The following FOXN3 variants were observed in gnomAD, a reference collection of about 807,000 sequenced individuals.
The protein encoded by FOXN3 is forkhead box N3.
A neutral mutation model predicts 38.4 loss-of-function variants in FOXN3; 7 were observed. The observed-to-expected ratio is 0.18, with a 90% CI of 0.10 to 0.34. The LOEUF (loss-of-function observed/expected upper bound fraction) is 0.34, where lower values mean the gene tolerates loss of function less well. Among genes scored for constraint, FOXN3 ranks in the 10% least tolerant of loss-of-function variants. FOXN3 has a pLI of 1.00. For missense variants in FOXN3, 456 were observed against 613.4 expected, an observed-to-expected ratio of 0.74 and a Z score of 2.71; for synonymous variants, 230 against 242.2, an observed-to-expected ratio of 0.95 and a Z score of 0.47.
At position 89,163,945 on chromosome 14, in the gene FOXN3, G is replaced by A. The variant is rs151139076; in HGVS notation, c.852-976C>T. ...TGCTACCCATGCCTATAAGGCGTCT[G>A]TAGCACTCATCACACCTCTGATTAT... On this transcript the variant is annotated intron_variant, in intron 5 of 5. Transcript: ENST00000557258. The surrounding 1 kb of genome is among the most constrained non-coding windows in gnomAD (Gnocchi z 4.3). Among the ~76,000 whole-genome samples the A allele has an allele frequency of 3.9e-4, 60 of 152,368 alleles. No individual in the cohort carries two copies. Among genetic ancestry groups the A allele is most frequent in the African/African-American group, 1.4e-3 (59 of 41,590 alleles).
chr14:89,405,849 A>C (rs1891373784), intron 2 of FOXN3, among the ~76,000 whole-genome samples: 1 of 152,196 alleles, frequency 6.6e-6, no homozygotes, highest in African/African-American at 2.4e-5. Flanking sequence ...AATGTCTGCT[A>C]TACTGAGAAG....
intron 1 of FOXN3, among the ~76,000 whole-genome samples, chr14:89,565,875 A>C (rs10162494): frequency 0.03 from 4,616 of 152,322 alleles, 233 homozygotes; most frequent in African/African-American, 0.1. Context: ...CAAACGCAGA[A>C]AATTAATACA....
intron 1 of FOXN3, among the ~76,000 whole-genome samples, chr14:89,485,052 T>C (rs1893417123): frequency 6.6e-6 from 1 of 150,574 alleles, no homozygotes; most frequent in Non-Finnish European, 1.5e-5. Context: ...CTCAGGAGGC[T>C]GAGGCAGGAG....
At chr14:89,311,347 A>G (rs868174344) in intron 3 of FOXN3, among the ~76,000 whole-genome samples, 1 of 144,986 alleles carries the variant, frequency 6.9e-6, no homozygotes, top group Non-Finnish European at 1.5e-5. Context: ...TGGCATGTGC[A>G]TGTAATCCCA....
chr14:89,489,523 T>TA (rs1399391403), intron 1 of FOXN3, among the ~76,000 whole-genome samples: 12 of 152,210 alleles, frequency 7.9e-5, no homozygotes, highest in Non-Finnish European at 1.0e-4. Flanking sequence ...TACTTGTAAT[T>TA]AAAAAATTTT....
chr14:89,413,597 C>T (rs1341521846), intron 1 of FOXN3, among the ~76,000 whole-genome samples: 2 of 150,062 alleles, frequency 1.3e-5, no homozygotes, highest in African/African-American at 4.9e-5. Flanking sequence ...TGTACCACTG[C>T]ACTCCAGCCT....
intron 5 of FOXN3, among the ~76,000 whole-genome samples, chr14:89,177,548 G>C (rs1887555361): frequency 6.6e-6 from 1 of 151,822 alleles, no homozygotes; most frequent in Non-Finnish European, 1.5e-5. Context: ...ACTGGGGCTG[G>C]GGCTGGGGCT....
intron 2 of FOXN3, among the ~76,000 whole-genome samples, chr14:89,394,957 T>C (rs1891063593): frequency 2.0e-5 from 3 of 152,202 alleles, no homozygotes; most frequent in Admixed American, 6.5e-5. Context: ...ACACAACCCA[T>C]CCGGGTTTTC....
At chr14:89,350,286 C>CA (rs1423369507) in intron 3 of FOXN3, 2 of 157,746 alleles carry the variant, frequency 1.3e-5, no homozygotes, top group African/African-American at 4.8e-5. Flanking sequence ...AGTGAGCCTC[C>CA]ACTGAATGTC....
intron 2 of FOXN3, among the ~76,000 whole-genome samples, chr14:89,363,101 C>T (rs55682815): frequency 6.6e-6 from 1 of 151,986 alleles, no homozygotes; most frequent in Non-Finnish European, 1.5e-5. Context: ...GAGATGAGCC[C>T]TGGGGGAGGA....
intron 1 of FOXN3, among the ~76,000 whole-genome samples, chr14:89,570,027 G>A (rs1281680027): frequency 6.6e-6 from 1 of 150,430 alleles, no homozygotes; most frequent in Non-Finnish European, 1.5e-5. Flanking sequence ...TTGAGACGGA[G>A]TCTCACTCTG....
rs548559479 is a variant in FOXN3, at chr14:89,278,354, T to C, written c.745+2596A>G. 5.9e-5 allele frequency among the ~76,000 whole-genome samples: 9 copies of C among 152,226 alleles called. 2 individuals carry two copies. The highest frequency in any genetic ancestry group is 1.9e-4 in the African/African-American group (8 of 41,548). ...TGATTCAATGATCTCCCACAACACC[T>C]AGGAATTATGGGAGCTACAATTCAA... On this transcript the variant is annotated intron_variant, in intron 4 of 5. Transcript: ENST00000557258.
At chr14:89,250,313 G>A (rs1339413706) in intron 4 of FOXN3, among the ~76,000 whole-genome samples, 5 of 152,164 alleles carry the variant, frequency 3.3e-5, no homozygotes, top group Non-Finnish European at 7.3e-5. Flanking sequence ...GTCTTCAGAT[G>A]TTGCCCAGGC....
At chr14:89,340,234 A>C (rs955561711) in intron 3 of FOXN3, among the ~76,000 whole-genome samples, 7 of 152,030 alleles carry the variant, frequency 4.6e-5, no homozygotes, top group African/African-American at 1.7e-4. Context: ...GGGAAGGGGG[A>C]AACTGATGTG....
chr14:89,556,831 CT>C (rs1895138136), intron 1 of FOXN3, among the ~76,000 whole-genome samples: 1 of 152,112 alleles, frequency 6.6e-6, no homozygotes, highest in South Asian at 2.1e-4. Flanking sequence ...GGAAAGTGCC[CT>C]GCTGATTTGG....
rs1362245848 is a variant in FOXN3 at position 89,294,921 on chromosome 14, G to A, written c.681-13907C>T. On this transcript the variant is annotated intron_variant, in intron 3 of 5. Transcript: ENST00000557258. Reference sequence around the variant, plus strand: ...TGCTTTCACTTTACTCTATGGAATCGCCCTGAATTCTTTCTTGTTTGAGAT... The same window carrying A: ...TGCTTTCACTTTACTCTATGGAATCACCCTGAATTCTTTCTTGTTTGAGAT... Among the ~76,000 whole-genome samples the A allele has an allele frequency of 3.9e-5, 6 of 151,950 alleles. No homozygotes were observed. The East Asian group carries it at 9.7e-4, about 24-fold the overall frequency.
At chr14:89,399,057 A>G (rs1272605514) in intron 2 of FOXN3, among the ~76,000 whole-genome samples, 1 of 152,196 alleles carries the variant, frequency 6.6e-6, no homozygotes, top group African/African-American at 2.4e-5. Context: ...GTTGTTGCAG[A>G]TATGTTTCAG....
intron 3 of FOXN3, among the ~76,000 whole-genome samples, chr14:89,303,338 T>A (rs971343242): frequency 2.0e-5 from 3 of 152,076 alleles, no homozygotes; most frequent in African/African-American, 7.2e-5. Flanking sequence ...TGAGAGCAGA[T>A]CCTATCTGTC....
intron 3 of FOXN3, among the ~76,000 whole-genome samples, chr14:89,308,682 C>T (rs993681739): frequency 6.6e-6 from 1 of 152,124 alleles, no homozygotes; most frequent in Non-Finnish European, 1.5e-5. Context: ...GTTGGCCTGG[C>T]TCAAAAAGAG....
Sources: allele counts gnomAD v4.1 joint callset (sites outside exome capture counted in the v4.1 genomes callset), GRCh38; gene constraint gnomAD v4.1.1; non-coding constraint Gnocchi (gnomAD v3.1); transcripts MANE v1.5; gene names NCBI Gene and HGNC (gene_info 2026-07-23, HGNC 2026-07-21).